Variants in AKAIN1 observed in about 807,000 individuals in gnomAD.
AKAIN1 encodes the protein A-kinase anchor protein inhibitor 1.
In AKAIN1, 3 loss-of-function variants were observed where a neutral mutation model predicts 3.7. The ratio of observed to expected loss-of-function variants is 0.82; its 90% CI spans 0.37 to 2.12. The LOEUF (loss-of-function observed/expected upper bound fraction) is 2.12, where lower values mean the gene tolerates loss of function less well. AKAIN1 is among the 30% of genes most tolerant of loss of function. The pLI is 0.06. For missense variants in AKAIN1, 82 were observed against 82.7 expected, an observed-to-expected ratio of 0.99 and a Z score of 0.03; for synonymous variants, 31 against 30.8, an observed-to-expected ratio of 1.01 and a Z score of -0.02.
chr18:5,178,768 A>G (rs1020198743), intron 1 of AKAIN1, among the ~76,000 whole-genome samples: 8 of 151,776 alleles, frequency 5.3e-5, no homozygotes, highest in African/African-American at 1.7e-4. Context: ...TGCTTAGAAC[A>G]CTCCCCTAGA....
At chr18:5,153,610 C>T (rs938612222) in intron 1 of AKAIN1, among the ~76,000 whole-genome samples, 5 of 152,180 alleles carry the variant, frequency 3.3e-5, no homozygotes, top group East Asian at 1.9e-4. Flanking sequence ...GTGACTACTT[C>T]ATACTGCACA....
intron 1 of AKAIN1, among the ~76,000 whole-genome samples, chr18:5,159,588 T>G (rs899379606): frequency 6.6e-6 from 1 of 151,992 alleles, no homozygotes; most frequent in South Asian, 2.1e-4. Flanking sequence ...ACTGACTAGT[T>G]TAAGATACAA....
At chr18:5,192,620 C>T (rs1240976664) in intron 1 of AKAIN1, among the ~76,000 whole-genome samples, 2 of 151,990 alleles carry the variant, frequency 1.3e-5, no homozygotes, top group Non-Finnish European at 2.9e-5. Flanking sequence ...ATTCCAGCCT[C>T]CAGAACTGTG....
At chr18:5,166,743 G>C (rs1411646113) in intron 1 of AKAIN1, among the ~76,000 whole-genome samples, 1 of 152,080 alleles carries the variant, frequency 6.6e-6, no homozygotes. Context: ...GAAGTTGACA[G>C]AGCATAATTT....
At chr18:5,150,428 C>T (rs1264372499) in intron 1 of AKAIN1, among the ~76,000 whole-genome samples, 1 of 152,182 alleles carries the variant, frequency 6.6e-6, no homozygotes, top group African/African-American at 2.4e-5. Flanking sequence ...ATCCTCTAGC[C>T]TAATTAGCAT....
chr18:5,191,848 A>G (rs1013812622), intron 1 of AKAIN1, among the ~76,000 whole-genome samples: 22 of 152,186 alleles, frequency 1.4e-4, no homozygotes, highest in Admixed American at 1.4e-3. Flanking sequence ...TCTTGTGACT[A>G]GGACTCACGT....
At chr18:5,189,512 A>G (rs1228717533) in intron 1 of AKAIN1, among the ~76,000 whole-genome samples, 2 of 152,166 alleles carry the variant, frequency 1.3e-5, no homozygotes, top group South Asian at 2.1e-4. Context: ...ATTAAAAGTA[A>G]CCATGCCAGA....
At chr18:5,192,819 A>G (rs1265841117) in intron 1 of AKAIN1, among the ~76,000 whole-genome samples, 1 of 152,076 alleles carries the variant, frequency 6.6e-6, no homozygotes, top group East Asian at 1.9e-4. Flanking sequence ...CGGTTTGACT[A>G]CAAAGGGGTA....
Position 5,162,633 on chromosome 18 carries a change from T to C in AKAIN1, c.17-16878A>G, listed in dbSNP as rs1219710878. ...AAGAGTTCAATGTGATGCGTGTGTGTGTGTGTGTGTGTGTGTGTGTGTGTG... is the reference window on the plus strand; with the variant it reads ...AAGAGTTCAATGTGATGCGTGTGTGCGTGTGTGTGTGTGTGTGTGTGTGTG... On this transcript the variant is annotated intron_variant, in intron 1 of 1. Transcript: ENST00000434239. Among the ~76,000 whole-genome samples the C allele has an allele frequency of 2.0e-3, 244 of 122,460 alleles. 1 individual carries two copies. The highest frequency in any genetic ancestry group is 8.8e-3 in the African/African-American group (229 of 26,126). The allele number at this position is 122,460 out of a possible 152,430, so 80.3% of individuals were successfully genotyped here.
intron 1 of AKAIN1, among the ~76,000 whole-genome samples, chr18:5,188,871 C>A (rs1453645693): frequency 6.6e-6 from 1 of 152,152 alleles, no homozygotes; most frequent in Non-Finnish European, 1.5e-5. Context: ...TTAATAAAGG[C>A]TTGCCTGAAC....
chr18:5,167,960 T>C (rs1598309733), intron 1 of AKAIN1, among the ~76,000 whole-genome samples: 1 of 152,086 alleles, frequency 6.6e-6, no homozygotes, highest in Non-Finnish European at 1.5e-5. Context: ...CCTTATGAAA[T>C]AATCTTGTTT....
At chr18:5,152,665 A>T (rs994468073) in intron 1 of AKAIN1, among the ~76,000 whole-genome samples, 1 of 152,154 alleles carries the variant, frequency 6.6e-6, no homozygotes, top group Admixed American at 6.5e-5. Context: ...ATGTCCAGAG[A>T]GGGGACTTAA....
intron 1 of AKAIN1, chr18:5,163,596 T>A (rs916237603): frequency 1.3e-5 from 2 of 152,048 alleles, no homozygotes; most frequent in Admixed American, 6.6e-5. Context: ...TACTGTCAAA[T>A]TACAAGCTCT....
At chr18:5,162,413 G>A (rs776080909) in intron 1 of AKAIN1, among the ~76,000 whole-genome samples, 26 of 152,030 alleles carry the variant, frequency 1.7e-4, no homozygotes, top group Admixed American at 3.3e-4. Context: ...CAGGCAACAT[G>A]TCAGGCATTA....
At position 5,145,674 on chromosome 18, in the gene AKAIN1, G is replaced by C; in HGVS notation, c.98C>G (p.Ala33Gly). 4 of 1,551,538 alleles carry C rather than the reference G, an allele frequency of 2.6e-6. No homozygotes were observed. Among genetic ancestry groups the C allele is most frequent in the Non-Finnish European group, 3.5e-6 (4 of 1,146,860 alleles). ...KQIVQNAILQ[A>G]VQQVSQESQR... ...ACTCTCCTGGGAGACTTGCTGCACA[G>C]CTTGCAGGATTGCATTCTGCACAAT... The change falls in exon 2 of 2, where the codon GCT becomes GGT. Residue 33 changes from alanine (A) to glycine (G), a missense_variant. By Grantham distance (60) the Ala-to-Gly change is moderately conservative. Coordinates refer to ENST00000434239, the MANE Select transcript of AKAIN1 (RefSeq NM_001145194.2).
intron 1 of AKAIN1, among the ~76,000 whole-genome samples, chr18:5,163,324 C>G (rs774622030): frequency 2.6e-5 from 4 of 152,024 alleles, no homozygotes; most frequent in Non-Finnish European, 5.9e-5. Context: ...TTTGAAAATT[C>G]TGGATATTAC....
intron 1 of AKAIN1, among the ~76,000 whole-genome samples, chr18:5,180,935 A>G (rs185904794): frequency 7.2e-5 from 11 of 152,224 alleles, no homozygotes; most frequent in Admixed American, 2.6e-4. Context: ...TAGAGATATT[A>G]CATTCATAAT....
upstream of AKAIN1, chr18:5,197,370 G>A (rs1166368199): frequency 1.6e-6 from 2 of 1,256,818 alleles, no homozygotes. The surrounding 1 kb of genome is among the most constrained non-coding windows in gnomAD (Gnocchi z 6.9). Flanking sequence ...CACTTCCACC[G>A]CTTTCACGCG....
At chr18:5,187,773 G>C (rs957171085) in intron 1 of AKAIN1, among the ~76,000 whole-genome samples, 7 of 152,038 alleles carry the variant, frequency 4.6e-5, no homozygotes, top group African/African-American at 1.7e-4. Context: ...TTCTCACAAT[G>C]CAAAGTATAT....
Sources: allele counts gnomAD v4.1 joint callset (sites outside exome capture counted in the v4.1 genomes callset), GRCh38; gene constraint gnomAD v4.1.1; non-coding constraint Gnocchi (gnomAD v3.1); transcripts MANE v1.5; gene names NCBI Gene and HGNC (gene_info 2026-07-23, HGNC 2026-07-21).